Variants in PHYKPL observed in about 807,000 individuals in gnomAD.
PHYKPL encodes the protein 5-phosphonooxy-L-lysine phospho-lyase.
Under a neutral mutation model 51.3 loss-of-function variants are expected in PHYKPL, and 42 were observed. The ratio of observed to expected loss-of-function variants is 0.82; its 90% CI spans 0.64 to 1.06. The LOEUF (loss-of-function observed/expected upper bound fraction) is 1.06, where lower values mean the gene tolerates loss of function less well. Among genes scored for constraint, PHYKPL ranks in the 50% least tolerant of loss-of-function variants. PHYKPL has a pLI of 0.00. For synonymous variants in PHYKPL, 264 were observed against 236.0 expected (o/e 1.12, Z -1.09); for missense variants, 655 against 586.6 (o/e 1.12, Z -1.20).
intron 8 of PHYKPL, 130 bp downstream of exon 8, chr5:178,222,225 A>C (rs1761304093): frequency 7.8e-6 from 6 of 772,832 alleles, no homozygotes; most frequent in Non-Finnish European, 1.0e-5. Context: ...TAATCTCCTT[A>C]AGGACAGCGT....
intron 8 of PHYKPL, among the ~76,000 whole-genome samples, chr5:178,219,452 A>ATT (rs528510112): frequency 1.4e-5 from 2 of 141,916 alleles, no homozygotes; most frequent in Non-Finnish European, 3.1e-5. Flanking sequence ...ACAAATAGGC[A>ATT]TTTTTTTTTT....
At chr5:178,228,704 T>A in intron 3 of PHYKPL, 1 of 681,890 alleles carries the variant, frequency 1.5e-6, no homozygotes. Flanking sequence ...CCACCTACGA[T>A]TTGTTGGAAT....
Position 178,210,311 on chromosome 5 carries a change from C to T in PHYKPL, c.*32-1396G>A, listed in dbSNP as rs565339668. 7.4e-5 allele frequency: 119 copies of T among 1,613,452 alleles called. No individual in the cohort carries two copies. The South Asian group carries it at 7.9e-4, about 11-fold the overall frequency. On this transcript the variant is annotated intron_variant, in intron 12 of 12. Coordinates refer to ENST00000308158, the MANE Select transcript of PHYKPL (RefSeq NM_153373.4). Reference sequence around the variant, plus strand: ...AGGGAGGCCCCATCCGCTCACCCCTCGTCCCCAGGGGAGGCAGGACAGTGT... The same window carrying T: ...AGGGAGGCCCCATCCGCTCACCCCTTGTCCCCAGGGGAGGCAGGACAGTGT...
chr5:178,210,329 G>A, intron 12 of PHYKPL: 11 of 1,610,860 alleles, frequency 6.8e-6, no homozygotes, highest in South Asian at 1.1e-5. Context: ...GGGGAGGCAG[G>A]ACAGTGTAGG....
At chr5:178,217,063 G>A (rs972348193) in intron 8 of PHYKPL, 1 of 151,984 alleles carries the variant, frequency 6.6e-6, no homozygotes, top group Non-Finnish European at 1.5e-5. Context: ...TATGTTAAGA[G>A]ACCTAAAGGA....
chr5:178,221,388 C>G (rs1359266785), intron 8 of PHYKPL, among the ~76,000 whole-genome samples: 1 of 152,046 alleles, frequency 6.6e-6, no homozygotes, highest in Non-Finnish European at 1.5e-5. Context: ...CTGGGATGTC[C>G]TTTGTGCTCT....
In PHYKPL at chr5:178,224,747, G is replaced by C. The variant is rs1273497441; in HGVS notation, c.414-18C>G. The C allele has an allele frequency of 1.3e-6, 2 of 1,594,282 alleles. No homozygotes were observed. Among genetic ancestry groups the C allele is most frequent in the East Asian group, 2.2e-5 (1 of 44,690 alleles). ...GATACGCACTGGGGAGGAGAAGGGA[G>C]GGTAGGCTCGGGTCCGGGCAGCACC... On this transcript the variant is annotated intron_variant, in intron 4 of 12. Transcript: ENST00000308158.
At chr5:178,209,511 T>C in intron 12 of PHYKPL, 1 of 1,396,078 alleles carries the variant, frequency 7.2e-7, no homozygotes, top group South Asian at 1.2e-5. Context: ...TCCAAGCCTG[T>C]CTTGGGGCTC....
intron 3 of PHYKPL, chr5:178,228,464 A>G (rs1394715581): frequency 1.4e-5 from 10 of 693,260 alleles, no homozygotes; most frequent in African/African-American, 3.5e-5. Flanking sequence ...AGCTGGTGGC[A>G]TAAGAATGCC....
At chr5:178,217,446 C>T (rs980667770) in intron 8 of PHYKPL, among the ~76,000 whole-genome samples, 1 of 151,650 alleles carries the variant, frequency 6.6e-6, no homozygotes, top group Admixed American at 6.6e-5. Flanking sequence ...GTCTTAAACC[C>T]GGGACCTCAA....
chr5:178,222,508 G>A lies in PHYKPL; in HGVS notation c.774C>T (p.His258=), dbSNP rs1445460887. ...TTCCCTGGAGCTGGAAGGCCCAGAA[G>A]TGCTTGCCTACCCGGCCAAAGCCAA... The part of the protein sequence containing the change: ...IQVGFGRVGK[H]FWAFQLQGKD... Residue 258 remains histidine, a synonymous_variant, in exon 8 of 13, where the codon CAC becomes CAT. Transcript: ENST00000308158. 1.9e-6 allele frequency: 3 copies of A among 1,614,274 alleles called. No homozygotes were observed. The highest frequency in any genetic ancestry group is 2.5e-6 in the Non-Finnish European group (3 of 1,180,056).
chr5:178,224,683 T>G lies in PHYKPL; in HGVS notation c.460A>C (p.Lys154Gln). 2 of 1,614,118 alleles carry G rather than the reference T, an allele frequency of 1.2e-6. No homozygotes were observed. The highest frequency in any genetic ancestry group is 2.2e-5 in the South Asian group (2 of 91,080). Residue 154 changes from lysine to glutamine, a missense_variant, in exon 5 of 13, where the codon AAG (lysine) becomes CAG (glutamine). Lys to Gln is a moderately conservative substitution (Grantham distance 53, BLOSUM62 1). Coordinates refer to ENST00000308158, the MANE Select transcript of PHYKPL (RefSeq NM_153373.4). ...LSSLIDISPYKFRNLDGQKEW... is the reference protein window; with the variant it reads ...LSSLIDISPYQFRNLDGQKEW... ...TTCTGGCCATCCAGGTTGCGGAACT[T>G]GTAGGGACTGATGTCAATCAGGGAG...
chr5:178,211,620 A>G, intron 12 of PHYKPL: 1 of 407,216 alleles, frequency 2.5e-6, no homozygotes, highest in Non-Finnish European at 4.5e-6. Flanking sequence ...TTAGGGCATA[A>G]GACTAGGTGG....
At chr5:178,207,256 T>C (rs370149179), downstream of PHYKPL, 8 of 1,612,124 alleles carry the variant, frequency 5.0e-6, no homozygotes, top group African/African-American at 1.1e-4. Context: ...CTTGGCCTCC[T>C]GTGCTGCTGG....
intron 10 of PHYKPL, among the ~76,000 whole-genome samples, chr5:178,214,023 G>A (rs189946816): frequency 9.2e-5 from 14 of 152,308 alleles, no homozygotes; most frequent in South Asian, 4.1e-4. Context: ...CTCCTGGGAG[G>A]GGGGTAGGAG....
At position 178,215,265 on chromosome 5, in the gene PHYKPL, C is replaced by A. The variant is rs758541410; in HGVS notation, c.1082+11G>T. ...GCAGGTGGGTGGTGACTGCTGCCCC[C>A]AGAGCCTCACCTGACATCCCCGACG... On this transcript the variant is annotated intron_variant, in intron 9 of 12. Transcript: ENST00000308158. The A allele has an allele frequency of 6.2e-7, 1 of 1,613,806 alleles. No individual in the cohort carries two copies. Among genetic ancestry groups the A allele is most frequent in the Admixed American group, 1.7e-5 (1 of 59,988 alleles).
intron 3 of PHYKPL, among the ~76,000 whole-genome samples, chr5:178,226,849 TG>T (rs895748527): frequency 1.3e-5 from 2 of 152,142 alleles, no homozygotes; most frequent in Admixed American, 1.3e-4. Flanking sequence ...ACAAGGGCTG[TG>T]GGAGTTATGA....
intron 3 of PHYKPL, among the ~76,000 whole-genome samples, chr5:178,228,955 C>T (rs1490019260): frequency 1.3e-5 from 2 of 152,174 alleles, no homozygotes; most frequent in Non-Finnish European, 2.9e-5. Context: ...CCCTGCTTGC[C>T]TCCCAACAGC....
intron 8 of PHYKPL, among the ~76,000 whole-genome samples, chr5:178,220,877 TTAG>T (rs934736768): frequency 2.6e-5 from 4 of 152,152 alleles, no homozygotes; most frequent in South Asian, 2.1e-4. Context: ...TAGTGATATG[TTAG>T]TAGAAAAAAA....
Sources: gnomAD v4.1 joint callset for allele counts (sites outside exome capture counted in the v4.1 genomes callset) on GRCh38, gnomAD v4.1.1 for gene constraint, MANE v1.5 for transcripts, NCBI Gene and HGNC (gene_info 2026-07-23, HGNC 2026-07-21) for gene names.